OSBPL10: variants seen among roughly 807,000 people sequenced by gnomAD.
OSBPL10 encodes the protein oxysterol-binding protein-related protein 10.
In OSBPL10, 49 loss-of-function variants were observed where a neutral mutation model predicts 81.7. The observed-to-expected ratio is 0.60, with a 90% CI of 0.48 to 0.76. OSBPL10 has a LOEUF of 0.76. OSBPL10 is among the 30% of genes least tolerant of loss of function. The pLI is 0.00. For synonymous variants in OSBPL10, 419 were observed against 383.6 expected (o/e 1.09, Z -1.08); for missense variants, 923 against 987.8 (o/e 0.93, Z 0.88).
chr3:31,668,781 A>T lies in OSBPL10; in HGVS notation c.1957T>A (p.Cys653Ser). ...VKHNPTNTIVCKAHGEWNGTL... is the reference protein window; with the variant it reads ...VKHNPTNTIVSKAHGEWNGTL... ...CCATTCCATTCCCCATGGGCTTTAC[A>T]AACAATGGTGTTGGTTGGGTTGTGC... Residue 653 changes from cysteine (C) to serine (S), a missense_variant, in exon 10 of 12, where the codon TGT becomes AGT. Around this residue, in one of 3 missense-constraint regions of OSBPL10, gnomAD observed 387 missense variants for 436.3 expected, o/e 0.89. Coordinates refer to ENST00000396556, the MANE Select transcript of OSBPL10 (RefSeq NM_017784.5). 1 of 1,613,750 alleles carries T rather than the reference A, an allele frequency of 6.2e-7. No individual in the cohort carries two copies. Among genetic ancestry groups the T allele is most frequent in the Middle Eastern group, 1.7e-4 (1 of 6,060 alleles).
At chr3:31,712,932 G>A (rs1020231724) in intron 6 of OSBPL10, among the ~76,000 whole-genome samples, 6 of 150,552 alleles carry the variant, frequency 4.0e-5, no homozygotes, top group Admixed American at 2.7e-4. Context: ...TCTTGCTTAC[G>A]CACTGTTCCA....
intron 1 of OSBPL10, among the ~76,000 whole-genome samples, chr3:31,913,002 A>G (rs965037985): frequency 6.6e-6 from 1 of 152,234 alleles, no homozygotes; most frequent in Non-Finnish European, 1.5e-5. Flanking sequence ...GTGTTTGTAC[A>G]TACACACACA....
At position 31,828,205 on chromosome 3, in the gene OSBPL10, G is replaced by A. The variant is rs145557065; in HGVS notation, c.729+1835C>T. Among the ~76,000 whole-genome samples the A allele has an allele frequency of 1.4e-4, 21 of 152,304 alleles. No individual in the cohort carries two copies. In the East Asian group the frequency reaches 4.0e-3, roughly 29 times the overall value. On this transcript the variant is annotated intron_variant, in intron 4 of 11. Coordinates refer to ENST00000396556, the MANE Select transcript of OSBPL10 (RefSeq NM_017784.5). Reference sequence around the variant, plus strand: ...AATGATGGTATCATAGTTAAGTGTTGTGTCATTTTATCACTGCCAGTTAAT... The same window carrying A: ...AATGATGGTATCATAGTTAAGTGTTATGTCATTTTATCACTGCCAGTTAAT...
At chr3:31,864,775 C>T (rs1701135889) in intron 3 of OSBPL10, among the ~76,000 whole-genome samples, 1 of 152,008 alleles carries the variant, frequency 6.6e-6, no homozygotes, top group Non-Finnish European at 1.5e-5. Flanking sequence ...TTTGGACTTG[C>T]CTTAGGAAGT....
intron 1 of OSBPL10, among the ~76,000 whole-genome samples, chr3:31,911,895 G>A (rs1696590694): frequency 6.6e-6 from 1 of 152,166 alleles, no homozygotes; most frequent in Non-Finnish European, 1.5e-5. Context: ...CAACTAACTA[G>A]TACAGGCAGG....
At chr3:31,829,657 AG>A (rs1700188269) in intron 4 of OSBPL10, among the ~76,000 whole-genome samples, 1 of 152,106 alleles carries the variant, frequency 6.6e-6, no homozygotes. Context: ...GGCAGAAAAC[AG>A]GGGGTATCTG....
At chr3:32,007,887 T>A (rs1699218832) in intron 2 of OSBPL10, among the ~76,000 whole-genome samples, 2 of 151,880 alleles carry the variant, frequency 1.3e-5, no homozygotes, top group Non-Finnish European at 1.5e-5. Context: ...GTATTTTTAG[T>A]AGAGACAGGG....
chr3:31,904,860 T>G (rs920710334), intron 1 of OSBPL10, among the ~76,000 whole-genome samples: 2 of 152,196 alleles, frequency 1.3e-5, no homozygotes, highest in African/African-American at 4.8e-5. Context: ...GGTGGAACTT[T>G]CCCAACTTTC....
At position 31,938,500 on chromosome 3, in the gene OSBPL10, T is replaced by C. The variant is rs554073879; in HGVS notation, c.281+42399A>G. Among the ~76,000 whole-genome samples, 19 of 152,242 alleles carry C rather than the reference T, an allele frequency of 1.2e-4. No homozygotes were observed. In the East Asian group the frequency reaches 1.5e-3, roughly 12 times the overall value. ...TCTTTCCATTCCCCTCAGAAGTTTT[T>C]GTGGGGTTTTTTGTTTGTTTGTTTG... On this transcript the variant is annotated intron_variant, in intron 1 of 11. Coordinates refer to ENST00000396556, the MANE Select transcript of OSBPL10 (RefSeq NM_017784.5).
chr3:32,021,015 G>T (rs922176715), intron 2 of OSBPL10, among the ~76,000 whole-genome samples: 1 of 152,258 alleles, frequency 6.6e-6, no homozygotes, highest in East Asian at 1.9e-4. Flanking sequence ...GTCCTCACTT[G>T]GACTTTCCTG....
At chr3:31,977,271 C>A (rs930515014) in intron 1 of OSBPL10, among the ~76,000 whole-genome samples, 1 of 152,180 alleles carries the variant, frequency 6.6e-6, no homozygotes, top group African/African-American at 2.4e-5. Flanking sequence ...CCTCTCCACA[C>A]CAGATCTATC....
intron 4 of OSBPL10, among the ~76,000 whole-genome samples, chr3:31,799,638 CATTT>C (rs1280418974): frequency 6.6e-6 from 1 of 152,128 alleles, no homozygotes; most frequent in African/African-American, 2.4e-5. Flanking sequence ...TAGCTGAAAA[CATTT>C]ATTAACCTCC....
intron 1 of OSBPL10, among the ~76,000 whole-genome samples, chr3:31,930,829 A>G (rs934698272): frequency 6.6e-6 from 1 of 151,670 alleles, no homozygotes; most frequent in Non-Finnish European, 1.5e-5. Context: ...CCTGGCTAAC[A>G]TGGTGAAACC....
intron 4 of OSBPL10, among the ~76,000 whole-genome samples, chr3:31,776,441 T>C (rs1698551386): frequency 1.3e-5 from 2 of 152,200 alleles, no homozygotes; most frequent in African/African-American, 2.4e-5. Context: ...AATTACCATA[T>C]GACCCAGAAA....
At chr3:31,792,435 G>T (rs932112456) in intron 4 of OSBPL10, among the ~76,000 whole-genome samples, 1 of 152,108 alleles carries the variant, frequency 6.6e-6, no homozygotes, top group Non-Finnish European at 1.5e-5. Context: ...GTTGCAAAAT[G>T]GTTCCCCCTC....
At chr3:31,787,146 G>C (rs1251594210) in intron 4 of OSBPL10, among the ~76,000 whole-genome samples, 1 of 152,160 alleles carries the variant, frequency 6.6e-6, no homozygotes, top group African/African-American at 2.4e-5. Flanking sequence ...TTTGCATTTT[G>C]AATGATTTAC....
At chr3:31,957,354 GATCTGGAAAC>G (rs1473010404) in intron 1 of OSBPL10, among the ~76,000 whole-genome samples, 2 of 152,104 alleles carry the variant, frequency 1.3e-5, no homozygotes, top group Non-Finnish European at 2.9e-5. Context: ...ACAGTTATGA[GATCTGGAAAC>G]AGCTGAAAGC....
chr3:31,909,678 C>G (rs981434970), intron 1 of OSBPL10, among the ~76,000 whole-genome samples: 1 of 152,084 alleles, frequency 6.6e-6, no homozygotes, highest in African/African-American at 2.4e-5. Context: ...TCAGATCAAG[C>G]GAGTGCACTG....
At chr3:31,749,730 G>A (rs1304726385) in intron 4 of OSBPL10, among the ~76,000 whole-genome samples, 18 of 152,162 alleles carry the variant, frequency 1.2e-4, no homozygotes, top group Non-Finnish European at 8.8e-5. Flanking sequence ...GAGGAGAATC[G>A]CTTGAATCCA....
Sources: gnomAD v4.1 joint callset for allele counts (sites outside exome capture counted in the v4.1 genomes callset) on GRCh38, gnomAD v4.1.1 for gene constraint, gnomAD v4.1.1 regional missense constraint, MANE v1.5 for transcripts, NCBI Gene and HGNC (gene_info 2026-07-23, HGNC 2026-07-21) for gene names.